ANKRD55: variants seen among roughly 807,000 people sequenced by gnomAD.
The protein encoded by ANKRD55 is ankyrin repeat domain 55, also known as ankyrin repeat domain-containing protein 55.
In ANKRD55, 41 loss-of-function variants were observed where a neutral mutation model predicts 60.6. The ratio of observed to expected loss-of-function variants is 0.68; its 90% CI spans 0.53 to 0.88. The LOEUF (loss-of-function observed/expected upper bound fraction) is 0.88. Ranked by LOEUF, ANKRD55 falls within the 40% of genes least tolerant of loss-of-function variation. ANKRD55 has a pLI of 0.00. For missense variants in ANKRD55, 732 were observed against 767.6 expected, an observed-to-expected ratio of 0.95 and a Z score of 0.55; for synonymous variants, 264 against 290.3, an observed-to-expected ratio of 0.91 and a Z score of 0.92.
chr5:56,125,723 C>T (rs1026579967), intron 8 of ANKRD55: 1 of 152,116 alleles, frequency 6.6e-6, no homozygotes, highest in Non-Finnish European at 1.5e-5. Context: ...ATTAGCGTGG[C>T]CCCTGCGCAG....
At chr5:56,192,947 T>C (rs942128574) in intron 2 of ANKRD55, 10 of 667,444 alleles carry the variant, frequency 1.5e-5, no homozygotes, top group African/African-American at 1.5e-4. Context: ...TGCTGTGGGA[T>C]TGAAAACCAA....
At chr5:56,143,426 G>A (rs1358509997) in intron 7 of ANKRD55, among the ~76,000 whole-genome samples, 1 of 152,134 alleles carries the variant, frequency 6.6e-6, no homozygotes, top group African/African-American at 2.4e-5. Context: ...CACCTGAAAT[G>A]ACTCTGCTGG....
chr5:56,132,037 G>C (rs911185389), intron 7 of ANKRD55, among the ~76,000 whole-genome samples: 1 of 151,578 alleles, frequency 6.6e-6, no homozygotes, highest in African/African-American at 2.4e-5. Flanking sequence ...ATATATATAA[G>C]CTTATGTATG....
At chr5:56,145,268 A>T (rs927460283) in intron 6 of ANKRD55, among the ~76,000 whole-genome samples, 2 of 152,184 alleles carry the variant, frequency 1.3e-5, no homozygotes, top group Admixed American at 1.3e-4. Context: ...TACATTCCCC[A>T]GCCTCCTTGC....
intron 2 of ANKRD55, among the ~76,000 whole-genome samples, chr5:56,206,046 G>A (rs1298632228): frequency 1.3e-5 from 2 of 149,112 alleles, no homozygotes; most frequent in Non-Finnish European, 3.0e-5. Flanking sequence ...TGCAATCACA[G>A]TTCACCGCAG....
At chr5:56,206,979 G>A (rs908114085) in intron 2 of ANKRD55, among the ~76,000 whole-genome samples, 20 of 152,128 alleles carry the variant, frequency 1.3e-4, no homozygotes, top group Non-Finnish European at 2.6e-4. Context: ...TCTTCCTATG[G>A]GCTGGGATAC....
intron 5 of ANKRD55, 39 bp downstream of exon 5, chr5:56,170,655 C>A: frequency 6.7e-7 from 1 of 1,490,980 alleles, no homozygotes; most frequent in South Asian, 1.1e-5. Flanking sequence ...CAAGTTGAGT[C>A]ACTCCCAACT....
chr5:56,114,261 G>C (rs576004166), intron 9 of ANKRD55: 1 of 160,814 alleles, frequency 6.2e-6, no homozygotes, highest in South Asian at 1.7e-4. Context: ...CTGGGAGGCA[G>C]AGGTTTCGGT....
intron 11 of ANKRD55, among the ~76,000 whole-genome samples, chr5:56,101,587 A>G (rs933320654): frequency 2.6e-5 from 4 of 152,212 alleles, no homozygotes; most frequent in Non-Finnish European, 2.9e-5. Context: ...GAGTATAGAT[A>G]TGAGAATATT....
intron 5 of ANKRD55, among the ~76,000 whole-genome samples, chr5:56,163,392 C>T (rs1758378715): frequency 6.6e-6 from 1 of 152,088 alleles, no homozygotes; most frequent in Non-Finnish European, 1.5e-5. Context: ...GATTTGCAGC[C>T]CTCTGTTGTG....
chr5:56,211,673 A>G (rs1287634690), intron 2 of ANKRD55, among the ~76,000 whole-genome samples: 1 of 152,172 alleles, frequency 6.6e-6, no homozygotes, highest in African/African-American at 2.4e-5. Flanking sequence ...TGGACATTCC[A>G]CATTTTCACA....
At position 56,100,144 on chromosome 5, in the gene ANKRD55, T is replaced by TA; in HGVS notation, c.*38dup. The stretch of plus-strand genomic sequence containing the variant: ...AATCTTGTCCTTTGAGAGTTGAAAA[T>TA]ACATATTCATCTACATTTCTGCAGC... On this transcript the variant is annotated 3_prime_UTR_variant, in exon 12 of 12. Transcript: ENST00000341048. 1 of 1,613,776 alleles carries TA rather than the reference T, an allele frequency of 6.2e-7. No homozygotes were observed. Among genetic ancestry groups the TA allele is most frequent in the Non-Finnish European group, 8.5e-7 (1 of 1,179,790 alleles).
At chr5:56,179,683 A>C (rs1341703436) in intron 3 of ANKRD55, among the ~76,000 whole-genome samples, 1 of 152,196 alleles carries the variant, frequency 6.6e-6, no homozygotes, top group Non-Finnish European at 1.5e-5. Context: ...AAGGAGCAGA[A>C]ACAGCACTAA....
chr5:56,218,945 T>C (rs1759892215), intron 2 of ANKRD55, among the ~76,000 whole-genome samples: 1 of 152,162 alleles, frequency 6.6e-6, no homozygotes, highest in Admixed American at 6.5e-5. Context: ...ATGATTCTTA[T>C]TTTTACAACA....
At chr5:56,109,273 A>C (rs1008211074) in intron 10 of ANKRD55, among the ~76,000 whole-genome samples, 2 of 152,148 alleles carry the variant, frequency 1.3e-5, no homozygotes, top group Non-Finnish European at 2.9e-5. Context: ...ACTGAACTGA[A>C]CTGGGGACAG....
chr5:56,128,525 T>C (rs1383586727), intron 7 of ANKRD55, among the ~76,000 whole-genome samples: 1 of 152,222 alleles, frequency 6.6e-6, no homozygotes, highest in Non-Finnish European at 1.5e-5. Flanking sequence ...CTTTTCCTTT[T>C]GTCCTAAATT....
intron 5 of ANKRD55, among the ~76,000 whole-genome samples, chr5:56,162,721 G>A (rs1160204645): frequency 6.6e-6 from 1 of 150,482 alleles, no homozygotes; most frequent in Non-Finnish European, 1.5e-5. Flanking sequence ...CCAGGCTGGA[G>A]TGCAGTGGCA....
At chr5:56,188,857 T>TG (rs1265139158) in intron 2 of ANKRD55, among the ~76,000 whole-genome samples, 6 of 152,196 alleles carry the variant, frequency 3.9e-5, no homozygotes, top group African/African-American at 1.4e-4. Context: ...AAAAAGAACT[T>TG]GGAGTTTTAG....
At chr5:56,182,343 T>C (rs1758867537) in intron 3 of ANKRD55, among the ~76,000 whole-genome samples, 1 of 152,224 alleles carries the variant, frequency 6.6e-6, no homozygotes, top group Non-Finnish European at 1.5e-5. Flanking sequence ...CATTACTTCT[T>C]TCCTTTGCAT....
Sources: allele counts gnomAD v4.1 joint callset (sites outside exome capture counted in the v4.1 genomes callset), GRCh38; gene constraint gnomAD v4.1.1; transcripts MANE v1.5; gene names NCBI Gene and HGNC (gene_info 2026-07-23, HGNC 2026-07-21).